FEZ2: variants seen among roughly 807,000 people sequenced by gnomAD.
The protein encoded by FEZ2 is fasciculation and elongation protein zeta 2.
FEZ2 carries 51 observed loss-of-function variants against 40.4 expected under a neutral mutation model. The observed-to-expected ratio is 1.26, with a 90% confidence interval of 1.01 to 1.59. The LOEUF is 1.59. FEZ2 is among the 40% of genes most tolerant of loss of function. The pLI, the probability that FEZ2 is intolerant of heterozygous loss-of-function variation, is 0.00. For synonymous variants in FEZ2, 242 were observed against 172.0 expected, an observed-to-expected ratio of 1.41 and a Z score of -3.18; for missense variants, 640 against 438.3, an observed-to-expected ratio of 1.46 and a Z score of -4.11.
In FEZ2 at chr2:36,598,035, CGCCTCCGCCCCA is replaced by C. The variant is rs1558464120; in HGVS notation, c.96_107del (p.Ala38_Gly41del). Reference sequence around the variant, plus strand: ...CGGCGCCCCCACCCGCCTCGGCCCCCGCCTCCGCCCCAGGCTCGGGGCTCGCGTTACAGTTCT... The same window carrying C: ...CGGCGCCCCCACCCGCCTCGGCCCCCGGCTCGGGGCTCGCGTTACAGTTCT... On this transcript the variant is annotated inframe_deletion, in exon 1 of 8. Transcript: ENST00000405912. 1.3e-6 allele frequency: 2 copies of C among 1,500,738 alleles called. No homozygotes were observed. The highest frequency in any genetic ancestry group is 1.8e-6 in the Non-Finnish European group (2 of 1,129,466). 93.0% of individuals were successfully genotyped at this position (1,500,738 alleles called of 1,614,324 possible). A position where few individuals can be genotyped will look rare whatever the true frequency, so the allele number is the denominator to read the frequency against.
rs17019171 is a variant in FEZ2 at position 36,597,061 on chromosome 2, G to T, written c.266+816C>A. 5.3e-3 allele frequency among the ~76,000 whole-genome samples: 807 copies of T among 151,824 alleles called. 6 individuals are homozygous for T. Among genetic ancestry groups the T allele is most frequent in the African/African-American group, 0.019 (776 of 41,366 alleles). On this transcript the variant is annotated intron_variant, in intron 1 of 7. Coordinates refer to ENST00000405912, the MANE Select transcript of FEZ2 (RefSeq NM_005102.3). ...ATTAATATTACTTGTGTATGCCTTG[G>T]TCTCCCCACCAGACCATGCGATCGT...
chr2:36,564,801 G>A (rs1013485091), intron 5 of FEZ2, among the ~76,000 whole-genome samples: 24 of 152,138 alleles, frequency 1.6e-4, no homozygotes, highest in Admixed American at 1.6e-3. Flanking sequence ...TGTGCAGGAG[G>A]TCTTGCAATT....
intron 5 of FEZ2, chr2:36,561,312 C>T (rs1668087600): frequency 6.6e-6 from 1 of 152,494 alleles, no homozygotes; most frequent in Non-Finnish European, 1.5e-5. Flanking sequence ...ATTAACATAA[C>T]ATTTAGCAAA....
intron 1 of FEZ2, among the ~76,000 whole-genome samples, chr2:36,597,591 G>A (rs937703599): frequency 1.3e-5 from 2 of 152,120 alleles, no homozygotes; most frequent in African/African-American, 4.8e-5. Flanking sequence ...CTAACTATGG[G>A]CTCTGCATGG....
At chr2:36,561,576 G>T (rs758424333) in intron 5 of FEZ2, 1 of 152,156 alleles carries the variant, frequency 6.6e-6, no homozygotes, top group African/African-American at 2.4e-5. Context: ...TGAAAAGGGA[G>T]TATTTTTTTC....
chr2:36,580,047 G>A (rs542220719), intron 4 of FEZ2, among the ~76,000 whole-genome samples: 1 of 152,226 alleles, frequency 6.6e-6, no homozygotes, highest in African/African-American at 2.4e-5. Flanking sequence ...CAAGGAGAGA[G>A]GCCTCTGAAA....
chr2:36,595,815 A>G (rs1222719391), intron 1 of FEZ2, among the ~76,000 whole-genome samples: 2 of 152,238 alleles, frequency 1.3e-5, no homozygotes, highest in African/African-American at 2.4e-5. Flanking sequence ...AGAGACATGC[A>G]TTACCACCAA....
At chr2:36,555,496 A>T (rs778064708) in intron 7 of FEZ2, 187 bp downstream of exon 7, 3 of 400,556 alleles carry the variant, frequency 7.5e-6, no homozygotes, top group Non-Finnish European at 1.4e-5. Flanking sequence ...AATAAAACTT[A>T]AATTATATAA....
intron 5 of FEZ2, among the ~76,000 whole-genome samples, chr2:36,571,398 C>T (rs1298361470): frequency 1.3e-5 from 2 of 152,180 alleles, no homozygotes; most frequent in African/African-American, 4.8e-5. Flanking sequence ...CGGTTGCTCA[C>T]GCCTGTAATC....
intron 6 of FEZ2, chr2:36,557,777 C>CCAGA: frequency 6.6e-6 from 1 of 152,038 alleles, no homozygotes; most frequent in South Asian, 2.1e-4. Context: ...AGGGATAGAA[C>CCAGA]CAGAATTCAA....
At chr2:36,597,826 C>G (rs1236350544) in intron 1 of FEZ2, 51 bp downstream of exon 1, 1 of 1,282,540 alleles carries the variant, frequency 7.8e-7, no homozygotes, top group Non-Finnish European at 9.9e-7. Context: ...GCCGGTCGGG[C>G]GAGGGGTAGG....
chr2:36,573,886 T>TACG (rs573670617), intron 5 of FEZ2, among the ~76,000 whole-genome samples: 24 of 152,254 alleles, frequency 1.6e-4, no homozygotes, highest in Non-Finnish European at 3.2e-4. Flanking sequence ...TGGTCACTCT[T>TACG]ACGCTCTACT....
chr2:36,556,096 G>A (rs1008985684), intron 6 of FEZ2: 2 of 478,946 alleles, frequency 4.2e-6, no homozygotes, highest in Non-Finnish European at 8.5e-6. Flanking sequence ...ACTATAATGT[G>A]CACCTCAATG....
chr2:36,567,052 T>C (rs1408959455), intron 5 of FEZ2, among the ~76,000 whole-genome samples: 3 of 152,144 alleles, frequency 2.0e-5, no homozygotes, highest in Non-Finnish European at 4.4e-5. Flanking sequence ...TGGCTTCATT[T>C]TCTTATGAGG....
chr2:36,581,306 G>C lies in FEZ2; in HGVS notation c.618C>G (p.Thr206=). Residue 206 remains threonine, a synonymous_variant, in exon 4 of 8, where the codon ACC becomes ACG. Transcript: ENST00000405912. ...QEIQTLKRSS[T]GSYEERVKRL... ...CTCCCTTACTCTCTTCATAACTGCC[G>C]GTACTAGACCTCTTGAGAGTTTGAA... 2 of 1,613,696 alleles carry C rather than the reference G, an allele frequency of 1.2e-6. No individual in the cohort carries two copies. The highest frequency in any genetic ancestry group is 2.2e-5 in the South Asian group (2 of 91,062).
intron 5 of FEZ2, among the ~76,000 whole-genome samples, chr2:36,566,976 G>C (rs1668260400): frequency 6.6e-6 from 1 of 151,556 alleles, no homozygotes. Flanking sequence ...TCTCTCTATA[G>C]GACTAAATAA....
chr2:36,581,597 G>A, intron 3 of FEZ2, 166 bp from the exon 4 acceptor site: 1 of 597,082 alleles, frequency 1.7e-6, no homozygotes, highest in East Asian at 2.8e-5. Context: ...TTTACTGTAG[G>A]AGTGAACATG....
chr2:36,583,479 A>T lies in FEZ2; in HGVS notation c.376-10T>A. 7.6e-7 allele frequency: 1 copy of T among 1,315,688 alleles called. No homozygotes were observed. Among genetic ancestry groups the T allele is most frequent in the Non-Finnish European group, 1.1e-6 (1 of 908,464 alleles). The allele number at this position is 1,315,688 out of a possible 1,614,324, so 81.5% of individuals were successfully genotyped here. On this transcript the variant is annotated splice_polypyrimidine_tract_variant and intron_variant, in intron 2 of 7. Coordinates refer to ENST00000405912, the MANE Select transcript of FEZ2 (RefSeq NM_005102.3). ...GCAAACTGTCACTTACCTAAAAACA[A>T]AAATACCCATCATTAAAAGCAGGAC...
chr2:36,581,443 C>T lies in FEZ2; in HGVS notation c.493-12G>A, dbSNP rs1283134376. ...ATTTCTTCAATAACCTTCGAAAACA[C>T]ACACACCACTGTTAATCAAATATAC... is the stretch of plus-strand genomic sequence containing the variant. On this transcript the variant is annotated splice_polypyrimidine_tract_variant and intron_variant, in intron 3 of 7. Transcript: ENST00000405912. 6.2e-7 allele frequency: 1 copy of T among 1,611,790 alleles called. No homozygotes were observed. Among genetic ancestry groups the T allele is most frequent in the Non-Finnish European group, 8.5e-7 (1 of 1,178,020 alleles).
Sources: gnomAD v4.1 joint callset for allele counts (sites outside exome capture counted in the v4.1 genomes callset) on GRCh38, gnomAD v4.1.1 for gene constraint, MANE v1.5 for transcripts, NCBI Gene and HGNC (gene_info 2026-07-23, HGNC 2026-07-21) for gene names.